Variants in CHM observed in about 807,000 individuals in gnomAD.
CHM encodes CHM Rab escort protein.
In CHM, 10 loss-of-function variants were observed where a neutral mutation model predicts 49.0. The ratio of observed to expected loss-of-function variants is 0.20; its 90% confidence interval spans 0.13 to 0.35. The LOEUF (loss-of-function observed/expected upper bound fraction) is 0.35. Ranked by LOEUF, CHM falls within the 10% of genes least tolerant of loss-of-function variation. The pLI is 1.00. For missense variants in CHM, 455 were observed against 478.4 expected (o/e 0.95, Z 0.46); for synonymous variants, 184 against 167.5 (o/e 1.10, Z -0.76).
chrX:85,937,574 C>T (rs6623542), intron 8 of CHM, among the ~76,000 whole-genome samples: 1 of 109,152 alleles, frequency 9.2e-6, no homozygotes, highest in Non-Finnish European at 1.9e-5. Flanking sequence ...TGGTGGCTCA[C>T]GTCTCAAGCC....
At chrX:85,945,431 CCTCTCT>C (rs76934031) in intron 8 of CHM, among the ~76,000 whole-genome samples, 1 of 99,842 alleles carries the variant, frequency 1.0e-5, no homozygotes, top group African/African-American at 3.7e-5. Context: ...GTGGCATCTC[CCTCTCT>C]CTCTCTCTCT....
At position 85,956,397 on chromosome X, in the gene CHM, T is replaced by G; in HGVS notation, c.941-19A>C. 1 of 1,197,474 alleles carries G rather than the reference T, an allele frequency of 8.4e-7. No homozygotes were observed. The highest frequency in any genetic ancestry group is 1.1e-6 in the Non-Finnish European group (1 of 887,431). On this transcript the variant is annotated intron_variant, in intron 7 of 14. Coordinates refer to ENST00000357749, the MANE Select transcript of CHM (RefSeq NM_000390.4). Reference sequence around the variant, plus strand: ...TCATATCCTATGAAAAGATGAAATTTTATCACTTAAAATCAGAACTAAACT... The same window carrying G: ...TCATATCCTATGAAAAGATGAAATTGTATCACTTAAAATCAGAACTAAACT...
chrX:85,961,886 G>A (rs1207393376), intron 5 of CHM, among the ~76,000 whole-genome samples: 3 of 111,140 alleles, frequency 2.7e-5, no homozygotes, highest in Non-Finnish European at 3.8e-5. Flanking sequence ...ATCTTCAAAT[G>A]TGTCAACTTC....
chrX:85,917,713 C>G (rs1485106850), intron 8 of CHM, among the ~76,000 whole-genome samples: 1 of 108,556 alleles, frequency 9.2e-6, no homozygotes, highest in Non-Finnish European at 1.9e-5. Flanking sequence ...TAAGAAAGAA[C>G]CAAACAGAAC....
In CHM at chrX:85,873,040, C is replaced by A. The variant is rs1375101865; in HGVS notation, c.1770+12G>T. 1.5e-5 allele frequency: 18 copies of A among 1,203,621 alleles called. No individual in the cohort carries two copies. The highest frequency in any genetic ancestry group is 1.8e-5 in the Non-Finnish European group (16 of 889,158). ...ATCTTAATACAAAACTGAGAAACAT[C>A]AAGAGCCTTACCTGTTTGACTGCAT... On this transcript the variant is annotated intron_variant, in intron 14 of 14. Transcript: ENST00000357749.
At chrX:85,945,431 CCT>C (rs76934031) in intron 8 of CHM, among the ~76,000 whole-genome samples, 6 of 99,541 alleles carry the variant, frequency 6.0e-5, no homozygotes, top group African/African-American at 3.7e-5. Context: ...GTGGCATCTC[CCT>C]CTCTCTCTCT....
intron 11 of CHM, among the ~76,000 whole-genome samples, chrX:85,897,304 T>C (rs964681930): frequency 1.3e-4 from 12 of 92,414 alleles, no homozygotes; most frequent in East Asian, 6.4e-4. Flanking sequence ...TGCTTGTGTG[T>C]GCGTGTGTGT....
At chrX:85,913,014 GAAAAAAAAAAAAA>G (rs755460793) in intron 8 of CHM, among the ~76,000 whole-genome samples, 4 of 38,250 alleles carry the variant, frequency 1.0e-4, no homozygotes, top group Admixed American at 8.3e-4. Flanking sequence ...CTCCATCTCA[GAAAAAAAAAAAAA>G]AAAAAAAAAA....
intron 2 of CHM, 52 bp downstream of exon 2, chrX:86,027,439 T>A: frequency 1.0e-6 from 1 of 988,316 alleles, no homozygotes; most frequent in Non-Finnish European, 1.4e-6. Flanking sequence ...TAAATTTTAA[T>A]CCTGTATAGA....
intron 2 of CHM, among the ~76,000 whole-genome samples, chrX:85,986,116 AG>A (rs1252377002): frequency 9.0e-6 from 1 of 111,181 alleles, no homozygotes; most frequent in African/African-American, 3.3e-5. Flanking sequence ...CATTTCCCAT[AG>A]GTCACACCCA....
intron 2 of CHM, among the ~76,000 whole-genome samples, chrX:86,004,555 G>T (rs2147754138): frequency 9.0e-6 from 1 of 111,412 alleles, no homozygotes; most frequent in East Asian, 2.8e-4. Context: ...AAAATAAAAG[G>T]ATGGAGGAAG....
intron 8 of CHM, among the ~76,000 whole-genome samples, chrX:85,944,167 G>C (rs938319417): frequency 2.7e-5 from 3 of 111,398 alleles, no homozygotes; most frequent in Non-Finnish European, 5.7e-5. Flanking sequence ...TTTTCTAATA[G>C]GTTGATCCAG....
Position 85,862,946 on chromosome X carries a change from A to C in CHM, c.*1684T>G, listed in dbSNP as rs190894636. 11 of 111,815 alleles carry C rather than the reference A, an allele frequency of 9.8e-5. No homozygotes were observed. Among genetic ancestry groups the C allele is most frequent in the Non-Finnish European group, 1.9e-4 (10 of 53,067 alleles). The allele number at this position is 111,815 out of a possible 1,213,427, so 9.2% of individuals were successfully genotyped here. On this transcript the variant is annotated 3_prime_UTR_variant, in exon 15 of 15. Transcript: ENST00000357749. ...AGGCCAGATGTTGTGAGAAAAAAAA[A>C]CAAATAGTTCATTTGTTTGTTTATT...
In CHM at chrX:85,862,681, G is replaced by A. The variant is rs1923424869; in HGVS notation, c.*1949C>T. On this transcript the variant is annotated 3_prime_UTR_variant, in exon 15 of 15. Coordinates refer to ENST00000357749, the MANE Select transcript of CHM (RefSeq NM_000390.4). ...GGAGGTAGGGATAGGAGCAGCCTGA[G>A]AGGCTAGTAAGTTAAGTTCTTCCAT... 1 of 111,852 alleles carries A rather than the reference G, an allele frequency of 8.9e-6. No homozygotes were observed. Among genetic ancestry groups the A allele is most frequent in the Non-Finnish European group, 1.9e-5 (1 of 53,166 alleles). The allele number at this position is 111,852 out of a possible 1,213,427, so 9.2% of individuals were successfully genotyped here. A position where few individuals can be genotyped will look rare whatever the true frequency, so the allele number is the denominator to read the frequency against.
chrX:85,895,302 T>C (rs1234280806), intron 11 of CHM, among the ~76,000 whole-genome samples: 1 of 59,694 alleles, frequency 1.7e-5, no homozygotes, highest in Non-Finnish European at 3.5e-5. Context: ...CACCTGGCTA[T>C]TTTTTTTTTT....
chrX:85,991,757 T>TC (rs1465693942), intron 2 of CHM, among the ~76,000 whole-genome samples: 1 of 109,073 alleles, frequency 9.2e-6, no homozygotes, highest in Non-Finnish European at 1.9e-5. Context: ...ACAAACATGT[T>TC]TTTTTTTTTA....
rs1483303886 is a variant in CHM at position 85,875,780 on chromosome X, C to T, written c.1610-2568G>A. On this transcript the variant is annotated intron_variant, in intron 13 of 14. Coordinates refer to ENST00000357749, the MANE Select transcript of CHM (RefSeq NM_000390.4). ...GATAGAAAATGAGTGAGACGCTTCA[C>T]TGACCATATGATTCTATACCTAGAA... Among the ~76,000 whole-genome samples the T allele has an allele frequency of 2.7e-5, 3 of 111,544 alleles. No homozygotes were observed. The Admixed American group carries it at 2.9e-4, about 11-fold the overall frequency.
At chrX:86,033,107 T>C (rs1934106266) in intron 1 of CHM, among the ~76,000 whole-genome samples, 1 of 111,774 alleles carries the variant, frequency 8.9e-6, no homozygotes, top group Non-Finnish European at 1.9e-5. Context: ...AAATTCTTAA[T>C]GTCAAATCTC....
chrX:86,009,976 G>T (rs1293937365), intron 2 of CHM, among the ~76,000 whole-genome samples: 1 of 109,768 alleles, frequency 9.1e-6, no homozygotes, highest in East Asian at 2.8e-4. Context: ...AGAAAATGTG[G>T]CACATATACA....
Sources: allele counts gnomAD v4.1 joint callset (sites outside exome capture counted in the v4.1 genomes callset), GRCh38; gene constraint gnomAD v4.1.1; transcripts MANE v1.5; gene names NCBI Gene and HGNC (gene_info 2026-07-23, HGNC 2026-07-21).